Variants in TMEM71 observed in about 807,000 individuals in gnomAD.
The protein encoded by TMEM71 is transmembrane protein 71.
In TMEM71, 44 loss-of-function variants were observed where a neutral mutation model predicts 38.0. The ratio of observed to expected loss-of-function variants is 1.16; its 90% CI spans 0.91 to 1.49. The LOEUF (loss-of-function observed/expected upper bound fraction) is 1.49, where lower values mean the gene tolerates loss of function less well. Among genes scored for constraint, TMEM71 ranks in the 40% most tolerant of loss-of-function variants. TMEM71 has a pLI of 0.00. For missense variants in TMEM71, 367 were observed against 348.6 expected (o/e 1.05, Z -0.42); for synonymous variants, 133 against 122.5 (o/e 1.09, Z -0.56).
chr8:132,715,136 G>A (rs1000429670), intron 7 of TMEM71, among the ~76,000 whole-genome samples: 3 of 152,038 alleles, frequency 2.0e-5, no homozygotes, highest in Non-Finnish European at 2.9e-5. Context: ...AGCAGGGCGC[G>A]GTGCTCATGC....
intron 4 of TMEM71, among the ~76,000 whole-genome samples, chr8:132,750,106 T>C (rs572577916): frequency 1.3e-5 from 2 of 152,234 alleles, no homozygotes; most frequent in African/African-American, 4.8e-5. Flanking sequence ...TATAGGTTAC[T>C]ACCTATACCA....
At position 132,758,783 on chromosome 8, in the gene TMEM71, TA is replaced by T. The variant is rs1829171671; in HGVS notation, c.40+56del. The T allele has an allele frequency of 2.0e-6, 3 of 1,497,462 alleles. No individual in the cohort carries two copies. The East Asian group carries it at 6.8e-5, about 34-fold the overall frequency. 92.8% of individuals were successfully genotyped at this position (1,497,462 alleles called of 1,614,324 possible). On this transcript the variant is annotated intron_variant, in intron 2 of 9. Coordinates refer to ENST00000677595, the MANE Select transcript of TMEM71 (RefSeq NM_001382403.1). ...AGCAAAATCAAAGCAAGGAAATTGC[TA>T]AAAGGAGTCTAATCGTTCAAAAGAT...
chr8:132,774,570 T>A, the TMEM71 span, among the ~76,000 whole-genome samples: 5 of 152,366 alleles, frequency 3.3e-5, no homozygotes, highest in African/African-American at 1.2e-4. Context: ...GTGACATTTG[T>A]ATGCAACGTT....
chr8:132,775,372 G>C, the TMEM71 span: 6 of 364,852 alleles, frequency 1.6e-5, no homozygotes, highest in Non-Finnish European at 2.9e-5. Context: ...ACGTCGCCGG[G>C]GCCCGGCGTC....
At chr8:132,757,134 G>C (rs1473738390) in intron 3 of TMEM71, 100 bp downstream of exon 3, 2 of 686,290 alleles carry the variant, frequency 2.9e-6, no homozygotes, top group East Asian at 3.7e-5. Flanking sequence ...CTGACCTCGT[G>C]ATCCGCCTGC....
chr8:132,741,473 G>A (rs947787001), intron 5 of TMEM71, among the ~76,000 whole-genome samples: 1 of 152,148 alleles, frequency 6.6e-6, no homozygotes, highest in Non-Finnish European at 1.5e-5. Context: ...ATGTCTGGCT[G>A]TGCTGTTATT....
intron 5 of TMEM71, among the ~76,000 whole-genome samples, chr8:132,733,577 C>A (rs1827580070): frequency 1.3e-5 from 2 of 152,190 alleles, no homozygotes; most frequent in Admixed American, 1.3e-4. Context: ...TTACACATAG[C>A]CTTTGGCAGC....
upstream of TMEM71, among the ~76,000 whole-genome samples, chr8:132,761,706 A>G (rs954830062): frequency 1.4e-4 from 21 of 152,222 alleles, no homozygotes; most frequent in African/African-American, 4.3e-4. Context: ...CCTTGTAAAT[A>G]AAGTAAGGCA....
At position 132,746,975 on chromosome 8, in the gene TMEM71, T is replaced by G; in HGVS notation, c.454A>C (p.Arg152=). ...TTGCAATGGTCTGTGTCCAACCTCC[T>G]GGTCCCCTTCAACCAGTTGTCTTCA... ...PSEDNWLKGT[R]RLDTDHCNGN... is the part of the protein sequence containing the mutation. The change falls in exon 5 of 10, where the codon AGG becomes CGG. Residue 152 remains arginine (R), a synonymous_variant. Coordinates refer to ENST00000677595, the MANE Select transcript of TMEM71 (RefSeq NM_001382403.1). 1 of 1,611,954 alleles carries G rather than the reference T, an allele frequency of 6.2e-7. No homozygotes were observed. The highest frequency in any genetic ancestry group is 8.5e-7 in the Non-Finnish European group (1 of 1,179,370).
At chr8:132,722,925 A>C (rs892990047) in intron 6 of TMEM71, among the ~76,000 whole-genome samples, 20 of 152,214 alleles carry the variant, frequency 1.3e-4, no homozygotes, top group Admixed American at 1.3e-3. Context: ...AGCTGATTTG[A>C]GGATTACCAC....
At position 132,751,899 on chromosome 8, in the gene TMEM71, A is replaced by G. The variant is rs575105256; in HGVS notation, c.200T>C (p.Leu67Pro). 3.6e-5 allele frequency: 58 copies of G among 1,614,052 alleles called. No homozygotes were observed. The South Asian group carries it at 3.7e-4, about 10-fold the overall frequency. The change falls in exon 4 of 10, where the codon CTC becomes CCC. Residue 67 changes from leucine (L) to proline (P), a missense_variant. Coordinates refer to ENST00000677595, the MANE Select transcript of TMEM71 (RefSeq NM_001382403.1). ...CCAAATATAGTAGCCATTGGTGAGG[A>G]GTCTGGGACTTCGGCGACAGGTATA... ...SHYTCRRSPR[L>P]LTNGYYIWTE... is the part of the protein sequence containing the mutation.
chr8:132,733,250 C>T (rs1300572384), intron 5 of TMEM71, among the ~76,000 whole-genome samples: 1 of 152,114 alleles, frequency 6.6e-6, no homozygotes, highest in African/African-American at 2.4e-5. Context: ...TCCCAGACAC[C>T]AGCAATTAGT....
chr8:132,757,540 A>T (rs1480716114), intron 2 of TMEM71, among the ~76,000 whole-genome samples: 1 of 152,062 alleles, frequency 6.6e-6, no homozygotes, highest in African/African-American at 2.4e-5. Flanking sequence ...ATAACACTCT[A>T]GAAGTTCCGG....
chr8:132,751,558 A>G (rs1828707684), intron 4 of TMEM71, among the ~76,000 whole-genome samples: 1 of 152,180 alleles, frequency 6.6e-6, no homozygotes, highest in Non-Finnish European at 1.5e-5. Flanking sequence ...CACAGTCTGG[A>G]GCAATAATGG....
chr8:132,763,478 A>G (rs769288547), upstream of TMEM71, among the ~76,000 whole-genome samples: 1 of 152,226 alleles, frequency 6.6e-6, no homozygotes, highest in African/African-American at 2.4e-5. Context: ...CATGTTCCAC[A>G]GAATATTCAG....
intron 5 of TMEM71, among the ~76,000 whole-genome samples, chr8:132,739,621 T>C (rs570394657): frequency 6.6e-6 from 1 of 152,192 alleles, no homozygotes; most frequent in African/African-American, 2.4e-5. Context: ...CCAACTCTGC[T>C]GTTTATAAGC....
In TMEM71 at chr8:132,727,965, G is replaced by A. The variant is rs1207420701; in HGVS notation, c.509C>T (p.Ser170Phe). Residue 170 changes from serine (S) to phenylalanine (F), a missense_variant, in exon 6 of 10, where the codon TCT becomes TTT. By Grantham distance (155) the Ser-to-Phe change is radical (BLOSUM62 -2). Coordinates refer to ENST00000677595, the MANE Select transcript of TMEM71 (RefSeq NM_001382403.1). Reference sequence around the variant, plus strand: ...CCCTGACTCCCAGTCATCAGTCAGAGAAGAACAGTCTAAATCATCTGCTGA... The same window carrying A: ...CCCTGACTCCCAGTCATCAGTCAGAAAAGAACAGTCTAAATCATCTGCTGA... ...NGNADDLDCS[S>F]LTDDWESGKM... 1.9e-6 allele frequency: 3 copies of A among 1,613,268 alleles called. No homozygotes were observed. The highest frequency in any genetic ancestry group is 2.5e-6 in the Non-Finnish European group (3 of 1,179,662).
chr8:132,706,465 A>T (rs1826096052), downstream of TMEM71, among the ~76,000 whole-genome samples: 1 of 152,120 alleles, frequency 6.6e-6, no homozygotes, highest in Non-Finnish European at 1.5e-5. Context: ...AAGTTGAGTT[A>T]TTATCTATAT....
intron 7 of TMEM71, among the ~76,000 whole-genome samples, chr8:132,720,485 T>G (rs557481823): frequency 7.4e-4 from 113 of 152,294 alleles, no homozygotes; most frequent in Non-Finnish European, 1.2e-3. Context: ...GGTCTTCCAG[T>G]TTGGGATATA....
Sources: gnomAD v4.1 joint callset for allele counts (sites outside exome capture counted in the v4.1 genomes callset) on GRCh38, gnomAD v4.1.1 for gene constraint, MANE v1.5 for transcripts, NCBI Gene and HGNC (gene_info 2026-07-23, HGNC 2026-07-21) for gene names.